Variants in ECE1 observed in about 807,000 individuals in gnomAD.
ECE1 encodes the protein endothelin converting enzyme 1, also known as endothelin-converting enzyme 1.
ECE1 carries 35 observed loss-of-function variants against 98.6 expected under a neutral mutation model. The observed-to-expected ratio is 0.35, with a 90% CI of 0.27 to 0.47. The LOEUF (loss-of-function observed/expected upper bound fraction) is 0.47. Ranked by LOEUF, ECE1 falls within the 20% of genes least tolerant of loss-of-function variation. The pLI is 1.00. For synonymous variants in ECE1, 394 were observed against 407.1 expected (o/e 0.97, Z 0.39); for missense variants, 814 against 1,025.3 (o/e 0.79, Z 2.81).
chr1:21,262,025 C>T (rs1195371383), intron 4 of ECE1, among the ~76,000 whole-genome samples: 5 of 152,184 alleles, frequency 3.3e-5, no homozygotes, highest in Non-Finnish European at 7.3e-5. Context: ...CAGCCTCACC[C>T]CGAGAGCTCC....
chr1:21,301,997 G>T (rs1203774629), intron 1 of ECE1, among the ~76,000 whole-genome samples: 1 of 152,124 alleles, frequency 6.6e-6, no homozygotes, highest in Non-Finnish European at 1.5e-5. Context: ...AGGCCAGACC[G>T]CCCCTTCCAG....
In ECE1 at chr1:21,330,226, C is replaced by CTTTT. The variant is rs71014186; in HGVS notation, c.3+15146_3+15149dup. On this transcript the variant is annotated intron_variant, in intron 1 of 18. Transcript: ENST00000415912. The stretch of plus-strand genomic sequence containing the variant: ...CTCCTGCCCACATACTCGCCAAATA[C>CTTTT]TTTTTTTTTTTTTTTTTTTTTTTTT... Among the ~76,000 whole-genome samples the CTTTT allele has an allele frequency of 2.8e-4, 12 of 43,376 alleles. 3 individuals are homozygous for CTTTT. The highest frequency in any genetic ancestry group is 4.1e-4 in the Non-Finnish European group (8 of 19,678). The allele number at this position is 43,376 out of a possible 152,430, so 28.5% of individuals were successfully genotyped here. A position where few individuals can be genotyped will look rare whatever the true frequency, so the allele number is the denominator to read the frequency against.
Position 21,258,621 on chromosome 1 carries a change from G to A in ECE1, c.762+72C>T. ...CAGGGCAAGCCCCTCTCCCACCCCAGGTCCTGCTAAACTCAAAACAGGAAG... is the reference window on the plus strand; with the variant it reads ...CAGGGCAAGCCCCTCTCCCACCCCAAGTCCTGCTAAACTCAAAACAGGAAG... On this transcript the variant is annotated intron_variant, in intron 6 of 18. Coordinates refer to ENST00000374893, the MANE Select transcript of ECE1 (RefSeq NM_001397.3). The surrounding 1 kb of genome is among the most constrained non-coding windows in gnomAD (Gnocchi z 4.2). The A allele has an allele frequency of 1.4e-5, 12 of 850,964 alleles. No homozygotes were observed. In the South Asian group the frequency reaches 1.6e-4, roughly 11 times the overall value. 52.7% of individuals were successfully genotyped at this position (850,964 alleles called of 1,614,324 possible). A position where few individuals can be genotyped will look rare whatever the true frequency, so the allele number is the denominator to read the frequency against.
At chr1:21,262,110 C>A (rs212532) in intron 4 of ECE1, among the ~76,000 whole-genome samples, 12 of 151,936 alleles carry the variant, frequency 7.9e-5, no homozygotes, top group Non-Finnish European at 1.2e-4. Flanking sequence ...TCTTGCTGAC[C>A]TCAGGGTGAT....
At chr1:21,231,745 C>T (rs981007920) in intron 14 of ECE1, among the ~76,000 whole-genome samples, 2 of 152,170 alleles carry the variant, frequency 1.3e-5, no homozygotes, top group African/African-American at 4.8e-5. Flanking sequence ...ACCTCAACCT[C>T]CTGGGCTCAA....
chr1:21,309,417 G>A (rs1236421065), intron 1 of ECE1, among the ~76,000 whole-genome samples: 1 of 152,240 alleles, frequency 6.6e-6, no homozygotes, highest in Non-Finnish European at 1.5e-5. Flanking sequence ...GTTGTTGGGA[G>A]GATGCAGTTA....
chr1:21,232,222 G>C (rs908147469), intron 14 of ECE1, among the ~76,000 whole-genome samples: 4 of 152,110 alleles, frequency 2.6e-5, no homozygotes, highest in Admixed American at 2.0e-4. Context: ...TTGCACTGAG[G>C]AATGGAAGGA....
intron 1 of ECE1, among the ~76,000 whole-genome samples, chr1:21,342,549 G>A (rs1423076665): frequency 1.3e-5 from 2 of 152,072 alleles, no homozygotes; most frequent in African/African-American, 4.8e-5. Context: ...GTGACCATCA[G>A]GGAGATTCAG....
chr1:21,260,572 C>T lies in ECE1; in HGVS notation c.494-180G>A, dbSNP rs1238172888. On this transcript the variant is annotated intron_variant, in intron 4 of 18. Transcript: ENST00000374893. This position sits in a 1 kb window ranked among gnomAD's most constrained non-coding sequence, Gnocchi z 4.3. ...AGTATGTGAGGGCCCCTGGACAGAG[C>T]CTGGCAAGCTGAAGGCGCTCCCGAA... Among the ~76,000 whole-genome samples, 1 of 152,132 alleles carries T rather than the reference C, an allele frequency of 6.6e-6. No individual in the cohort carries two copies. The highest frequency in any genetic ancestry group is 1.5e-5 in the Non-Finnish European group (1 of 68,026).
At position 21,268,234 on chromosome 1, in the gene ECE1, T is replaced by C. The variant is rs191537349; in HGVS notation, c.493+4465A>G. 1.5e-3 allele frequency among the ~76,000 whole-genome samples: 225 copies of C among 152,254 alleles called. 2 individuals carry two copies. Among genetic ancestry groups the C allele is most frequent in the African/African-American group, 4.6e-3 (192 of 41,534 alleles). The stretch of plus-strand genomic sequence containing the variant: ...AGAATAATCTGAGCTACAAGCACAG[T>C]TGGAAAGTCCAAGGCAGGGCCAAGT... On this transcript the variant is annotated intron_variant, in intron 4 of 18. Transcript: ENST00000374893.
chr1:21,324,450 C>T (rs528496480), intron 1 of ECE1, among the ~76,000 whole-genome samples: 17 of 152,326 alleles, frequency 1.1e-4, no homozygotes, highest in Admixed American at 5.2e-4. Flanking sequence ...CAACGGCTGC[C>T]ACAGCTGTGG....
At position 21,233,236 on chromosome 1, in the gene ECE1, G is replaced by T. The variant is rs1021807165; in HGVS notation, c.1670+322C>A. The T allele has an allele frequency of 3.4e-6, 1 of 295,098 alleles. No individual in the cohort carries two copies. The highest frequency in any genetic ancestry group is 6.6e-6 in the Non-Finnish European group (1 of 151,346). The allele number at this position is 295,098 out of a possible 1,614,324, so 18.3% of individuals were successfully genotyped here. A position where few individuals can be genotyped will look rare whatever the true frequency, so the allele number is the denominator to read the frequency against. On this transcript the variant is annotated intron_variant, in intron 14 of 18. Transcript: ENST00000374893. The surrounding 1 kb of genome is among the most constrained non-coding windows in gnomAD (Gnocchi z 4.0). ...GAACCAGCTCCTCCCATCCTATTCT[G>T]CGGAAAATGAAATGAAGGCTCCAAA... is the stretch of plus-strand genomic sequence containing the variant.
At position 21,225,348 on chromosome 1, in the gene ECE1, G is replaced by A; in HGVS notation, c.1942C>T (p.Gln648Ter). The change falls in exon 17 of 19, where the codon CAG becomes TAG. Residue 648 changes from glutamine to a stop codon, truncating the protein, a stop_gained. Coordinates refer to ENST00000374893, the MANE Select transcript of ECE1 (RefSeq NM_001397.3). LOFTEE classifies it high-confidence loss of function. The surrounding 1 kb of genome is among the most constrained non-coding windows in gnomAD (Gnocchi z 5.3). ...FKRQTECMVE[Q>*]YSNYSVNGEP... ...CCGTTCACGCTGTAGTTGCTGTACT[G>A]CTCTACCATGCACTCGGTCTGACGC... The A allele has an allele frequency of 1.2e-6, 2 of 1,614,218 alleles. No individual in the cohort carries two copies. Among genetic ancestry groups the A allele is most frequent in the Non-Finnish European group, 1.7e-6 (2 of 1,180,040 alleles).
At chr1:21,317,828 A>G (rs1638865063) in intron 1 of ECE1, among the ~76,000 whole-genome samples, 1 of 152,212 alleles carries the variant, frequency 6.6e-6, no homozygotes, top group Admixed American at 6.5e-5. Context: ...AGGCTCAGAC[A>G]GGTCATGTGA....
chr1:21,306,317 T>C (rs1638595950), intron 1 of ECE1, among the ~76,000 whole-genome samples: 1 of 151,342 alleles, frequency 6.6e-6, no homozygotes, highest in South Asian at 2.1e-4. Flanking sequence ...ACATACTATA[T>C]GTTAAGTGTT....
rs1351140898 is a variant in ECE1, at chr1:21,342,061, G to A, written c.3+3315C>T. ...GGGGGCACAGAGCCGGGGAATGGCT[G>A]ACCCAAGGTCACACAGCAAGCTGGT... On this transcript the variant is annotated intron_variant, in intron 1 of 18. Coordinates refer to the ECE1 transcript ENST00000415912. Among the ~76,000 whole-genome samples the A allele has an allele frequency of 2.6e-5, 4 of 152,282 alleles. No individual in the cohort carries two copies. In the East Asian group the frequency reaches 7.7e-4, roughly 29 times the overall value.
At chr1:21,320,957 C>T (rs1225383322) in intron 1 of ECE1, among the ~76,000 whole-genome samples, 5 of 152,206 alleles carry the variant, frequency 3.3e-5, no homozygotes, top group Non-Finnish European at 5.9e-5. Flanking sequence ...TGCTGCAGAA[C>T]CTCCTGGTTT....
At chr1:21,326,983 G>A (rs1176265570) in intron 1 of ECE1, among the ~76,000 whole-genome samples, 7 of 152,194 alleles carry the variant, frequency 4.6e-5, no homozygotes, top group African/African-American at 1.7e-4. Context: ...CCACCTCTGT[G>A]GACTCCGTCA....
intron 1 of ECE1, among the ~76,000 whole-genome samples, chr1:21,304,315 C>CA (rs71014183): frequency 0.17 from 8,375 of 48,352 alleles, 1,722 homozygotes; most frequent in East Asian, 0.39. Context: ...GACTCCCTCT[C>CA]AAAAAAAAAA....
Sources: allele counts gnomAD v4.1 joint callset (sites outside exome capture counted in the v4.1 genomes callset), GRCh38; gene constraint gnomAD v4.1.1; non-coding constraint Gnocchi (gnomAD v3.1); transcripts MANE v1.5; gene names NCBI Gene and HGNC (gene_info 2026-07-23, HGNC 2026-07-21).